CHD7: variants seen among roughly 807,000 people sequenced by gnomAD.
The protein encoded by CHD7 is chromodomain helicase DNA binding protein 7.
In CHD7, 24 loss-of-function variants were observed where a neutral mutation model predicts 307.3. That is an observed-to-expected ratio of 0.08 (90% CI 0.06 to 0.11). The LOEUF (loss-of-function observed/expected upper bound fraction) is 0.11. Among genes scored for constraint, CHD7 ranks in the 10% least tolerant of loss-of-function variants. The pLI is 1.00. For missense variants in CHD7, 3,106 were observed against 3,727.1 expected, an observed-to-expected ratio of 0.83 and a Z score of 4.34; for synonymous variants, 1,363 against 1,349.9, an observed-to-expected ratio of 1.01 and a Z score of -0.21.
intron 4 of CHD7, among the ~76,000 whole-genome samples, chr8:60,799,875 GTC>G (rs1812211246): frequency 6.6e-6 from 1 of 152,070 alleles, no homozygotes; most frequent in South Asian, 2.1e-4. Flanking sequence ...GGCTACAGCT[GTC>G]CCAGGCGTCT....
In CHD7 at chr8:60,822,134, T is replaced by C. The variant is rs752803020; in HGVS notation, c.2946T>C (p.Asn982=). ...AGGGAGTAAACTGGCTACTTTTCAA[T>C]TGGTACAACATGTATGTAAAACAAG... ...QLEGVNWLLF[N]WYNMRNCILA... is the part of the protein sequence containing the mutation. The change falls in exon 11 of 38, where the codon AAT becomes AAC. Residue 982 remains asparagine (N), a synonymous_variant. Coordinates refer to ENST00000423902, the MANE Select transcript of CHD7 (RefSeq NM_017780.4). 2.2e-5 allele frequency: 35 copies of C among 1,613,560 alleles called. No individual in the cohort carries two copies. Among genetic ancestry groups the C allele is most frequent in the African/African-American group, 1.3e-4 (10 of 74,914 alleles).
chr8:60,780,593 A>G (rs6471900), intron 2 of CHD7, among the ~76,000 whole-genome samples: 3 of 152,204 alleles, frequency 2.0e-5, no homozygotes, highest in East Asian at 3.9e-4. Flanking sequence ...TGGCTAAATT[A>G]TATACCTTTT....
intron 24 of CHD7, 73 bp from the exon 25 acceptor site, chr8:60,848,978 T>G: frequency 3.4e-4 from 399 of 1,176,182 alleles, no homozygotes; most frequent in Non-Finnish European, 4.6e-4. Context: ...AGAGGGCATG[T>G]GAGCTATGTA....
At position 60,861,074 on chromosome 8, in the gene CHD7, A is replaced by C; in HGVS notation, c.7779A>C (p.Glu2593Asp). 6.2e-7 allele frequency: 1 copy of C among 1,612,386 alleles called. No homozygotes were observed. Among genetic ancestry groups the C allele is most frequent in the Non-Finnish European group, 8.5e-7 (1 of 1,179,184 alleles). Reference protein sequence around the residue: ...EDAPKNKDLVEWLKLHPTYTV... With the variant: ...EDAPKNKDLVDWLKLHPTYTV... ...CTCCTAAAAATAAGGATTTAGTTGA[A>C]TGGCTGAAGCTGCACCCTACTTACA... The change falls in exon 35 of 38, where the codon GAA becomes GAC. Residue 2593 changes from glutamate to aspartate, a missense_variant. By Grantham distance (45) the Glu-to-Asp change is conservative. Around this residue, in one of 10 missense-constraint regions of CHD7, gnomAD observed 1,030 missense variants for 1,165.4 expected, o/e 0.88. Coordinates refer to ENST00000423902, the MANE Select transcript of CHD7 (RefSeq NM_017780.4).
chr8:60,862,522 A>C, intron 36 of CHD7, 26 bp from the exon 37 acceptor site: 1 of 1,546,918 alleles, frequency 6.5e-7, no homozygotes, highest in South Asian at 1.2e-5. Context: ...TGTGTTTTTA[A>C]TCATTTGTCA....
intron 1 of CHD7, among the ~76,000 whole-genome samples, chr8:60,738,453 A>G (rs1808817734): frequency 6.6e-6 from 1 of 152,346 alleles, no homozygotes; most frequent in African/African-American, 2.4e-5. Context: ...CTAGACACAG[A>G]AAATCTAGAT....
chr8:60,821,980 G>T, intron 10 of CHD7, 44 bp from the exon 11 acceptor site: 1 of 1,613,316 alleles, frequency 6.2e-7, no homozygotes. Context: ...ATAGTGGTGT[G>T]GTCTTTGGGA....
intron 3 of CHD7, 104 bp from the exon 4 acceptor site, chr8:60,794,882 T>G: frequency 9.4e-7 from 1 of 1,065,248 alleles, no homozygotes; most frequent in South Asian, 1.8e-5. Context: ...ATGTATGGAT[T>G]TATCAGTTGT....
chr8:60,721,772 G>C (rs1232445601), intron 1 of CHD7, among the ~76,000 whole-genome samples: 1 of 152,224 alleles, frequency 6.6e-6, no homozygotes, highest in African/African-American at 2.4e-5. Context: ...AGAGGCTTCA[G>C]GCAAGCGCTG....
chr8:60,742,936 C>T lies in CHD7; in HGVS notation c.1504C>T (p.Pro502Ser). 1 of 1,613,380 alleles carries T rather than the reference C, an allele frequency of 6.2e-7. No homozygotes were observed. Among genetic ancestry groups the T allele is most frequent in the South Asian group, 1.1e-5 (1 of 90,944 alleles). Residue 502 changes from proline to serine, a missense_variant, in exon 2 of 38, where the codon CCT (proline) becomes TCT (serine). Physicochemically the swap from Pro to Ser is moderately conservative, Grantham distance 74 (BLOSUM62 -1). Transcript: ENST00000423902. ...QERLIPGQQH[P>S]GQQPSFQQLP... ...ACGACTGATACCTGGCCAACAACATCCTGGTCAACAGCCATCTTTTCAGCA... is the reference window on the plus strand; with the variant it reads ...ACGACTGATACCTGGCCAACAACATTCTGGTCAACAGCCATCTTTTCAGCA...
chr8:60,864,827 A>G (rs759028269), intron 37 of CHD7, 189 bp from the exon 38 acceptor site: 115 of 621,880 alleles, frequency 1.8e-4, no homozygotes, highest in Non-Finnish European at 3.6e-5. Flanking sequence ...ATTTTTCTGC[A>G]GTTCAGCAAG....
intron 1 of CHD7, among the ~76,000 whole-genome samples, chr8:60,690,932 TTTCTTTCTTTTTGACGGAGTCCTG>T (rs1586167009): frequency 6.6e-6 from 1 of 152,194 alleles, no homozygotes; most frequent in East Asian, 1.9e-4. Flanking sequence ...TCTTTCTTTC[TTTCTTTCTTTTTGACGGAGTCCTG>T]CTCTGTCTCA....
chr8:60,734,391 C>T (rs1344739390), intron 1 of CHD7, among the ~76,000 whole-genome samples: 1 of 152,194 alleles, frequency 6.6e-6, no homozygotes, highest in Admixed American at 6.5e-5. Flanking sequence ...TGGCAAGGCT[C>T]CAGTCGCCAG....
chr8:60,756,956 C>A (rs1271754475), intron 2 of CHD7, among the ~76,000 whole-genome samples: 1 of 152,120 alleles, frequency 6.6e-6, no homozygotes, highest in Non-Finnish European at 1.5e-5. Flanking sequence ...GTCTAAAGTA[C>A]TAATTTTACA....
chr8:60,865,114 C>T lies in CHD7; in HGVS notation c.8175C>T (p.Ile2725=), dbSNP rs778052548. The change falls in exon 38 of 38, where the codon ATC becomes ATT. Residue 2725 remains isoleucine (I), a synonymous_variant. Transcript: ENST00000423902. The surrounding 1 kb of genome is among the most constrained non-coding windows in gnomAD (Gnocchi z 4.3). ...GAGGAAGAAGGCCCAAAAGTGAGAT[C>T]GCCAGAGCAGCCGCGGCCGCCGCTG... ...SRRGRRPKSE[I]ARAAAAAAAV... 53 of 1,610,540 alleles carry T rather than the reference C, an allele frequency of 3.3e-5. 3 individuals are homozygous for T. In the South Asian group the frequency reaches 5.5e-4, roughly 17 times the overall value.
At position 60,821,943 on chromosome 8, in the gene CHD7, T is replaced by C; in HGVS notation, c.2835+16T>C. On this transcript the variant is annotated intron_variant, in intron 10 of 37. Transcript: ENST00000423902. Reference sequence around the variant, plus strand: ...AGAGCGTGTGGTAAGAATTGGCTGATGGTAGAGAATTTAATTTGAAAATAG... The same window carrying C: ...AGAGCGTGTGGTAAGAATTGGCTGACGGTAGAGAATTTAATTTGAAAATAG... 1.2e-6 allele frequency: 2 copies of C among 1,613,206 alleles called. No individual in the cohort carries two copies. The highest frequency in any genetic ancestry group is 8.5e-7 in the Non-Finnish European group (1 of 1,179,500).
At position 60,800,499 on chromosome 8, in the gene CHD7, T is replaced by C. The variant is rs1812252080; in HGVS notation, c.2350T>C (p.Ser784Pro). 2 of 1,613,600 alleles carry C rather than the reference T, an allele frequency of 1.2e-6. No homozygotes were observed. The highest frequency in any genetic ancestry group is 2.2e-5 in the South Asian group (2 of 91,042). Residue 784 changes from serine (S) to proline (P), a missense_variant, in exon 5 of 38, where the codon TCC (serine) becomes CCC (proline). Ser to Pro is a moderately conservative substitution (Grantham distance 74, BLOSUM62 -1). This residue lies in a region of CHD7 where 998 missense variants were observed against 1,004.5 expected (regional missense o/e 0.99). Coordinates refer to ENST00000423902, the MANE Select transcript of CHD7 (RefSeq NM_017780.4). ...AGATGCTGCTGGGAGGGATTCCCCCTCCAACACCTCCCAGTCAGAACAGCA... is the reference window on the plus strand; with the variant it reads ...AGATGCTGCTGGGAGGGATTCCCCCCCCAACACCTCCCAGTCAGAACAGCA... Reference protein sequence around the residue: ...DADAAGRDSPSNTSQSEQQES... With the variant: ...DADAAGRDSPPNTSQSEQQES...
At chr8:60,854,814 C>T (rs1227450395) in intron 32 of CHD7, among the ~76,000 whole-genome samples, 5 of 152,150 alleles carry the variant, frequency 3.3e-5, no homozygotes, top group Non-Finnish European at 7.3e-5. Flanking sequence ...TTACTTACCC[C>T]CGTTGTCTAG....
chr8:60,799,745 A>G (rs943868111), intron 4 of CHD7, among the ~76,000 whole-genome samples: 2 of 152,148 alleles, frequency 1.3e-5, no homozygotes, highest in Admixed American at 1.3e-4. Context: ...ATGAACCCCT[A>G]TAGATTCATT....
Sources: gnomAD v4.1 joint callset for allele counts (sites outside exome capture counted in the v4.1 genomes callset) on GRCh38, gnomAD v4.1.1 for gene constraint, gnomAD v4.1.1 regional missense constraint, Gnocchi (gnomAD v3.1) non-coding constraint, MANE v1.5 for transcripts, NCBI Gene and HGNC (gene_info 2026-07-23, HGNC 2026-07-21) for gene names.